Variants in SATL1 observed in about 807,000 individuals in gnomAD.
The protein encoded by SATL1 is spermidine/spermine N1-acetyl transferase like 1, also known as spermidine/spermine N(1)-acetyltransferase-like protein 1.
In SATL1, 47 loss-of-function variants were observed where a neutral mutation model predicts 51.8. The observed-to-expected ratio is 0.91, with a 90% confidence interval of 0.72 to 1.16. The LOEUF is 1.16. Ranked by LOEUF, SATL1 falls within the 50% of genes most tolerant of loss-of-function variation. The pLI is 0.00. For synonymous variants in SATL1, 176 were observed against 182.4 expected, an observed-to-expected ratio of 0.97 and a Z score of 0.28; for missense variants, 520 against 526.4, an observed-to-expected ratio of 0.99 and a Z score of 0.12.
At chrX:85,140,880 C>A (rs886092608) in intron 2 of SATL1, among the ~76,000 whole-genome samples, 6 of 111,809 alleles carry the variant, frequency 5.4e-5, no homozygotes, top group Non-Finnish European at 3.8e-5. Context: ...TAAGAGAACA[C>A]CCAACTAAAC....
At chrX:85,228,268 C>T (rs1459152988) in intron 1 of SATL1, among the ~76,000 whole-genome samples, 2 of 111,063 alleles carry the variant, frequency 1.8e-5, no homozygotes, top group Admixed American at 1.9e-4. Context: ...AAGGCAGACT[C>T]CTTCATTTGT....
chrX:85,109,856 A>G (rs1925220570), intron 2 of SATL1, among the ~76,000 whole-genome samples: 1 of 110,560 alleles, frequency 9.0e-6, no homozygotes, highest in Admixed American at 9.7e-5. Context: ...TAAAAATACA[A>G]AAAATTAGCT....
At position 85,108,342 on chromosome X, in the gene SATL1, G is replaced by A; in HGVS notation, c.627C>T (p.Ser209=). 8.3e-7 allele frequency: 1 copy of A among 1,211,320 alleles called. No individual in the cohort carries two copies. Among genetic ancestry groups the A allele is most frequent in the Non-Finnish European group, 1.1e-6 (1 of 895,419 alleles). ...QQPGISQQVP[S]HPDMSQPGMS... ...TGCCTGGTTGACTCATGTCTGGGTG[G>A]CTTGGGACTTGCTGGCTGATGCCTG... Residue 209 remains serine (S), a synonymous_variant, in exon 3 of 8, where the codon AGC becomes AGT. Coordinates refer to ENST00000644105, the MANE Select transcript of SATL1 (RefSeq NM_001367857.2).
intron 2 of SATL1, among the ~76,000 whole-genome samples, chrX:85,182,139 G>C (rs1035698621): frequency 9.0e-6 from 1 of 110,709 alleles, no homozygotes; most frequent in Non-Finnish European, 1.9e-5. Flanking sequence ...ACTATATATT[G>C]TTGTTAACTA....
intron 2 of SATL1, among the ~76,000 whole-genome samples, chrX:85,200,574 A>C (rs1927667600): frequency 9.0e-6 from 1 of 111,401 alleles, no homozygotes. Context: ...CAAGGAGAGC[A>C]CATGGATATA....
chrX:85,192,012 G>A (rs1281433605), intron 2 of SATL1, among the ~76,000 whole-genome samples: 1 of 112,060 alleles, frequency 8.9e-6, no homozygotes, highest in Non-Finnish European at 1.9e-5. Context: ...TGATCCTTGA[G>A]TATTCTCTGT....
intron 1 of SATL1, among the ~76,000 whole-genome samples, chrX:85,233,170 C>A (rs1722628241): frequency 8.9e-6 from 1 of 111,803 alleles, no homozygotes; most frequent in African/African-American, 3.3e-5. Flanking sequence ...CCAGAGAATT[C>A]TTCCAGATCT....
intron 2 of SATL1, among the ~76,000 whole-genome samples, chrX:85,193,977 C>T (rs371472708): frequency 2.7e-5 from 3 of 111,357 alleles, no homozygotes; most frequent in Non-Finnish European, 3.8e-5. Flanking sequence ...CTGCAATAAA[C>T]GTTTGTGTGC....
At chrX:85,148,357 A>G (rs1307749504) in intron 2 of SATL1, among the ~76,000 whole-genome samples, 1 of 109,828 alleles carries the variant, frequency 9.1e-6, no homozygotes, top group Non-Finnish European at 1.9e-5. Flanking sequence ...CCTGAAAGTG[A>G]CGGGGAGAAT....
chrX:85,228,226 C>A (rs1250116302), intron 1 of SATL1, among the ~76,000 whole-genome samples: 1 of 111,060 alleles, frequency 9.0e-6, no homozygotes, highest in Admixed American at 9.6e-5. Flanking sequence ...CATATCCTGC[C>A]TCTGCTCTTG....
intron 1 of SATL1, among the ~76,000 whole-genome samples, chrX:85,233,688 C>G (rs1468078872): frequency 9.0e-6 from 1 of 111,638 alleles, no homozygotes; most frequent in Non-Finnish European, 1.9e-5. Context: ...ATTGATCAAA[C>G]AGAGAAAAGA....
chrX:85,242,929 C>T (rs1006629), intron 1 of SATL1, among the ~76,000 whole-genome samples: 14,495 of 111,198 alleles, frequency 0.13, 713 homozygotes, highest in South Asian at 0.18. Flanking sequence ...CGCTATAGCC[C>T]TCAAAAAATA....
At chrX:85,156,301 T>C (rs966907439) in intron 2 of SATL1, 18 of 111,686 alleles carry the variant, frequency 1.6e-4, no homozygotes, top group African/African-American at 5.5e-4. Context: ...TATGTCGTTG[T>C]TGTTTTTCAA....
chrX:85,166,933 A>ATATATG lies in SATL1; in HGVS notation c.-313+57271_-313+57272insCATATA, dbSNP rs1325369840. Among the ~76,000 whole-genome samples the ATATATG allele has an allele frequency of 4.1e-3, 363 of 87,863 alleles. 3 individuals are homozygous for ATATATG. Among genetic ancestry groups the ATATATG allele is most frequent in the African/African-American group, 0.02 (349 of 17,720 alleles). 76.3% of individuals were successfully genotyped at this position (87,863 alleles called of 115,157 possible). On this transcript the variant is annotated intron_variant, in intron 2 of 7. Coordinates refer to ENST00000644105, the MANE Select transcript of SATL1 (RefSeq NM_001367857.2). ...AAATGGGGTATATATATATATATAT[A>ATATATG]TATGTGTATGTGTGTGTGTGTGTGT... is the stretch of plus-strand genomic sequence containing the variant.
intron 2 of SATL1, among the ~76,000 whole-genome samples, chrX:85,217,252 G>GATA (rs1381787635): frequency 1.8e-5 from 2 of 111,217 alleles, no homozygotes; most frequent in Non-Finnish European, 3.8e-5. Context: ...CACCTGTGGT[G>GATA]CAGTGTGTGT....
At chrX:85,228,015 G>T (rs1928309107) in intron 1 of SATL1, among the ~76,000 whole-genome samples, 1 of 110,659 alleles carries the variant, frequency 9.0e-6, no homozygotes, top group Non-Finnish European at 1.9e-5. Flanking sequence ...GGGGGCTATA[G>T]AACAAAATAT....
chrX:85,159,332 G>C (rs1490349089), intron 2 of SATL1, among the ~76,000 whole-genome samples: 2 of 111,730 alleles, frequency 1.8e-5, no homozygotes, highest in Non-Finnish European at 3.8e-5. Flanking sequence ...CATACTGAGG[G>C]GGCATTAACA....
At chrX:85,152,497 G>A (rs765203792) in intron 2 of SATL1, among the ~76,000 whole-genome samples, 114 of 111,649 alleles carry the variant, frequency 1.0e-3, no homozygotes, top group South Asian at 3.4e-3. Context: ...AAATCATGCT[G>A]CTTTAAAGAC....
intron 2 of SATL1, among the ~76,000 whole-genome samples, chrX:85,127,414 G>A (rs1342892036): frequency 2.7e-5 from 3 of 111,460 alleles, no homozygotes; most frequent in African/African-American, 9.8e-5. Context: ...AAGAACCAAG[G>A]AATGTTAGTT....
Sources: gnomAD v4.1 joint callset for allele counts (sites outside exome capture counted in the v4.1 genomes callset) on GRCh38, gnomAD v4.1.1 for gene constraint, MANE v1.5 for transcripts, NCBI Gene and HGNC (gene_info 2026-07-23, HGNC 2026-07-21) for gene names.